CLVS1: variants seen among roughly 807,000 people sequenced by gnomAD.
CLVS1 encodes clavesin 1.
In CLVS1, 10 loss-of-function variants were observed where a neutral mutation model predicts 33.1. The observed-to-expected ratio is 0.30, with a 90% CI of 0.19 to 0.51. The LOEUF (loss-of-function observed/expected upper bound fraction) is 0.51, where lower values mean the gene tolerates loss of function less well. Among genes scored for constraint, CLVS1 ranks in the 20% least tolerant of loss-of-function variants. The pLI is 0.97. For missense variants in CLVS1, 343 were observed against 433.4 expected, an observed-to-expected ratio of 0.79 and a Z score of 1.85; for synonymous variants, 163 against 166.1, an observed-to-expected ratio of 0.98 and a Z score of 0.14.
the CLVS1 span, among the ~76,000 whole-genome samples, chr8:61,011,635 G>A: frequency 6.6e-6 from 1 of 152,006 alleles, no homozygotes. Flanking sequence ...TTTTAGTAGA[G>A]ATGGGGTTTC....
intron 1 of CLVS1, among the ~76,000 whole-genome samples, chr8:61,113,955 A>G (rs1805673921): frequency 6.6e-6 from 1 of 152,204 alleles, no homozygotes; most frequent in African/African-American, 2.4e-5. Context: ...TTTACATCAG[A>G]CGACAGCTGA....
chr8:61,435,227 T>G (rs1816282700), intron 3 of CLVS1, among the ~76,000 whole-genome samples: 2 of 152,014 alleles, frequency 1.3e-5, no homozygotes, highest in South Asian at 4.1e-4. Context: ...TGCAGCAGAG[T>G]GAGGCCCCAG....
chr8:61,407,282 T>C (rs935577595), intron 3 of CLVS1, among the ~76,000 whole-genome samples: 1 of 152,224 alleles, frequency 6.6e-6, no homozygotes, highest in African/African-American at 2.4e-5. Context: ...TCATCTGTAA[T>C]TTCCCCTCAT....
At chr8:61,421,147 A>T (rs1023982271) in intron 3 of CLVS1, among the ~76,000 whole-genome samples, 2 of 152,140 alleles carry the variant, frequency 1.3e-5, no homozygotes, top group Non-Finnish European at 2.9e-5. Flanking sequence ...ATTCTGAGGC[A>T]GACTCTTTGA....
intron 2 of CLVS1, chr8:61,202,766 C>A: frequency 6.4e-7 from 1 of 1,565,986 alleles, no homozygotes; most frequent in African/African-American, 1.3e-5. Flanking sequence ...TTAAGTATAT[C>A]TGGAAAGCGA....
chr8:61,424,370 T>C (rs956690549), intron 3 of CLVS1, among the ~76,000 whole-genome samples: 2 of 152,234 alleles, frequency 1.3e-5, no homozygotes, highest in African/African-American at 4.8e-5. Flanking sequence ...ATTCCTAATT[T>C]GTTTGTTCTA....
intron 5 of CLVS1, among the ~76,000 whole-genome samples, chr8:61,473,731 G>A (rs1448401777): frequency 6.6e-6 from 1 of 152,214 alleles, no homozygotes; most frequent in African/African-American, 2.4e-5. Flanking sequence ...TGATGATCAA[G>A]TGGATATTGG....
At chr8:61,023,892 C>T in the CLVS1 span, among the ~76,000 whole-genome samples, 1 of 152,236 alleles carries the variant, frequency 6.6e-6, no homozygotes, top group African/African-American at 2.4e-5. Flanking sequence ...GAGAGACTGG[C>T]TGCTGAGGCT....
upstream of CLVS1, among the ~76,000 whole-genome samples, chr8:61,056,301 T>A (rs1054671453): frequency 1.3e-5 from 2 of 152,168 alleles, no homozygotes; most frequent in Admixed American, 6.5e-5. Flanking sequence ...TTGGTTAATT[T>A]CCCCTTTTTT....
intron 2 of CLVS1, among the ~76,000 whole-genome samples, chr8:61,190,959 G>A (rs1454179147): frequency 6.6e-6 from 1 of 152,148 alleles, no homozygotes; most frequent in Non-Finnish European, 1.5e-5. Context: ...CGAAGAGCTG[G>A]TACCATTCCC....
At chr8:61,458,574 A>G (rs749287891) in intron 5 of CLVS1, 32 bp downstream of exon 5, 4 of 1,329,634 alleles carry the variant, frequency 3.0e-6, no homozygotes, top group Non-Finnish European at 3.1e-6. Flanking sequence ...CCCCCCCCCC[A>G]GTCAGAGGTC....
At chr8:61,394,612 G>A (rs1056929257) in intron 3 of CLVS1, among the ~76,000 whole-genome samples, 2 of 152,114 alleles carry the variant, frequency 1.3e-5, no homozygotes, top group African/African-American at 4.8e-5. Context: ...GGAAGTTGGG[G>A]AAAGCCAGCG....
chr8:61,094,414 T>C (rs992882510), intron 1 of CLVS1, among the ~76,000 whole-genome samples: 2 of 152,324 alleles, frequency 1.3e-5, no homozygotes, highest in South Asian at 4.1e-4. Context: ...CAGTTCTGAA[T>C]GCTTCGTGAC....
At chr8:61,401,426 G>A (rs764325115) in intron 3 of CLVS1, among the ~76,000 whole-genome samples, 17 of 152,120 alleles carry the variant, frequency 1.1e-4, no homozygotes, top group Admixed American at 2.0e-4. Context: ...GTCTTGTATC[G>A]TTTTGAAGAA....
intron 2 of CLVS1, among the ~76,000 whole-genome samples, chr8:61,245,463 G>T (rs1051877892): frequency 2.0e-5 from 3 of 152,120 alleles, no homozygotes; most frequent in African/African-American, 7.2e-5. Flanking sequence ...GGGATTACAG[G>T]TGTGAGCCAC....
the CLVS1 span, among the ~76,000 whole-genome samples, chr8:61,051,550 C>A: frequency 1.3e-5 from 2 of 152,208 alleles, no homozygotes; most frequent in African/African-American, 4.8e-5. Context: ...GGGGTCCCGC[C>A]CACAGAGGCA....
upstream of CLVS1, among the ~76,000 whole-genome samples, chr8:61,052,405 A>T (rs918560540): frequency 2.0e-4 from 30 of 152,352 alleles, no homozygotes; most frequent in African/African-American, 6.7e-4. Context: ...GAATCCCCAG[A>T]TTGAGGATGG....
chr8:61,106,502 A>G (rs1250308356), intron 1 of CLVS1, among the ~76,000 whole-genome samples: 1 of 152,238 alleles, frequency 6.6e-6, no homozygotes, highest in Non-Finnish European at 1.5e-5. Flanking sequence ...GTGGGGCAGC[A>G]AACAATAAGG....
intron 2 of CLVS1, among the ~76,000 whole-genome samples, chr8:61,199,304 A>G (rs144645797): frequency 5.3e-4 from 81 of 152,336 alleles, no homozygotes; most frequent in African/African-American, 1.9e-3. Context: ...GAAATAATCA[A>G]CAGGGTAAAC....
Sources: gnomAD v4.1 joint callset for allele counts (sites outside exome capture counted in the v4.1 genomes callset) on GRCh38, gnomAD v4.1.1 for gene constraint, MANE v1.5 for transcripts, NCBI Gene and HGNC (gene_info 2026-07-23, HGNC 2026-07-21) for gene names.